NSUN3: variants seen among roughly 807,000 people sequenced by gnomAD.
The protein encoded by NSUN3 is NOP2/Sun RNA methyltransferase 3, also known as tRNA (cytosine(34)-C(5))-methyltransferase, mitochondrial.
A neutral mutation model predicts 36.8 loss-of-function variants in NSUN3; 24 were observed. The observed-to-expected ratio is 0.65, with a 90% confidence interval of 0.47 to 0.92. NSUN3 has a LOEUF of 0.92. Ranked by LOEUF, NSUN3 falls within the 40% of genes least tolerant of loss-of-function variation. NSUN3 has a pLI of 0.00. For missense variants in NSUN3, 381 were observed against 392.8 expected (o/e 0.97, Z 0.25); for synonymous variants, 146 against 145.2 (o/e 1.01, Z -0.04).
intron 3 of NSUN3, 144 bp from the exon 4 acceptor site, chr3:94,093,996 T>A (rs1030040071): frequency 1.3e-5 from 8 of 628,400 alleles, no homozygotes; most frequent in African/African-American, 1.1e-4. Context: ...TTTTAAAGCA[T>A]AAGAAAATAA....
chr3:94,113,866 T>G (rs1313972783), intron 5 of NSUN3, among the ~76,000 whole-genome samples: 1 of 152,204 alleles, frequency 6.6e-6, no homozygotes, highest in East Asian at 1.9e-4. Context: ...ACTTTTGAGT[T>G]TCTACATTGA....
At chr3:94,095,953 A>C (rs1359744909) in intron 5 of NSUN3, among the ~76,000 whole-genome samples, 1 of 138,874 alleles carries the variant, frequency 7.2e-6, no homozygotes. Flanking sequence ...TAGAGATAGG[A>C]TTTCACTGTG....
chr3:94,113,307 T>C (rs551585479), intron 5 of NSUN3, among the ~76,000 whole-genome samples: 8 of 152,354 alleles, frequency 5.3e-5, no homozygotes, highest in African/African-American at 1.9e-4. Context: ...ATTGCCTGGA[T>C]TTTAATCCTG....
At position 94,084,373 on chromosome 3, in the gene NSUN3, G is replaced by A. The variant is rs2077283772; in HGVS notation, c.389G>A (p.Arg130Lys). ...SLLPVLALEL[R>K]DGEKVLDLCA... ...CTCCCAGTGTTGGCTCTGGAATTAA[G>A]GGATGGGGAGAAGGTTCTGGATCTC... Residue 130 changes from arginine (R) to lysine (K), a missense_variant, in exon 3 of 6, where the codon AGG becomes AAG. By Grantham distance (26) the Arg-to-Lys change is conservative (BLOSUM62 2). Transcript: ENST00000314622. The A allele has an allele frequency of 1.2e-6, 2 of 1,614,162 alleles. No individual in the cohort carries two copies. The highest frequency in any genetic ancestry group is 1.7e-6 in the Non-Finnish European group (2 of 1,180,016).
intron 3 of NSUN3, among the ~76,000 whole-genome samples, chr3:94,086,194 T>C (rs907752183): frequency 1.3e-5 from 2 of 152,192 alleles, no homozygotes; most frequent in African/African-American, 4.8e-5. Flanking sequence ...TCTGCCCACC[T>C]GGGCCTCCCT....
intron 5 of NSUN3, among the ~76,000 whole-genome samples, chr3:94,114,263 G>A (rs1173877977): frequency 2.0e-5 from 3 of 152,250 alleles, no homozygotes; most frequent in Non-Finnish European, 4.4e-5. Context: ...TGAGGTAAAA[G>A]CTTGAGGTCC....
intron 5 of NSUN3, among the ~76,000 whole-genome samples, chr3:94,115,559 T>A (rs560550523): frequency 9.2e-5 from 14 of 152,352 alleles, no homozygotes; most frequent in Admixed American, 2.6e-4. Flanking sequence ...ACAGCGATTG[T>A]GACTTCAAAC....
At position 94,072,244 on chromosome 3, in the gene NSUN3, C is replaced by G. The variant is rs1249016304; in HGVS notation, c.122+7698C>G. Among the ~76,000 whole-genome samples the G allele has an allele frequency of 2.0e-5, 3 of 152,062 alleles. No homozygotes were observed. The East Asian group carries it at 5.8e-4, about 29-fold the overall frequency. ...CTTTTGTAGCTCTGTGCTGTAGTAC[C>G]AGGGTCTCACACGTTGGGAATCACT... On this transcript the variant is annotated intron_variant, in intron 2 of 5. Coordinates refer to ENST00000314622, the MANE Select transcript of NSUN3 (RefSeq NM_022072.5).
At position 94,064,386 on chromosome 3, in the gene NSUN3, A is replaced by G. The variant is rs372584069; in HGVS notation, c.13-51A>G. ...AAAGACCTTGCTAATGTTGACGTTCAGTAAATTTGTAATATCACTGTGTGT... is the reference window on the plus strand; with the variant it reads ...AAAGACCTTGCTAATGTTGACGTTCGGTAAATTTGTAATATCACTGTGTGT... On this transcript the variant is annotated intron_variant, in intron 1 of 5. Transcript: ENST00000314622. The G allele has an allele frequency of 1.1e-3, 1,155 of 1,074,628 alleles. 4 individuals are homozygous for G. The Middle Eastern group carries it at 0.012, about 12-fold the overall frequency. 66.6% of individuals were successfully genotyped at this position (1,074,628 alleles called of 1,614,324 possible).
At position 94,123,598 on chromosome 3, in the gene NSUN3, G is replaced by A. The variant is rs563118396; in HGVS notation, c.744-2613G>A. Among the ~76,000 whole-genome samples the A allele has an allele frequency of 2.6e-5, 4 of 152,152 alleles. No homozygotes were observed. In the East Asian group the frequency reaches 7.7e-4, roughly 29 times the overall value. On this transcript the variant is annotated intron_variant, in intron 5 of 5. Transcript: ENST00000314622. ...GTTTTTTATTCATTATAAGGGTGAA[G>A]TTTTGACAGTTTTCATCAAGACCCT...
chr3:94,113,080 G>A (rs1228674591), intron 5 of NSUN3, among the ~76,000 whole-genome samples: 2 of 152,058 alleles, frequency 1.3e-5, no homozygotes, highest in African/African-American at 4.8e-5. Context: ...TAGCCAGGAT[G>A]GTCTCAATCT....
chr3:94,065,519 G>A (rs1331434947), intron 2 of NSUN3, among the ~76,000 whole-genome samples: 1 of 152,112 alleles, frequency 6.6e-6, no homozygotes, highest in Non-Finnish European at 1.5e-5. Flanking sequence ...TTTTTCAGAT[G>A]GTTGGCTTGT....
chr3:94,081,991 C>T (rs755399155), intron 2 of NSUN3: 8 of 152,078 alleles, frequency 5.3e-5, no homozygotes, highest in African/African-American at 1.2e-4. Context: ...AAAAGAAGAA[C>T]GAATAGAGAT....
In NSUN3 at chr3:94,099,804, G is replaced by GAA. The variant is rs34896138; in HGVS notation, c.743+4661_743+4662dup. ...TCTCCTGCCCTTGACTTCAAAAAAT[G>GAA]AAAAAAAAAAAAGACTATAGCACTT... On this transcript the variant is annotated intron_variant, in intron 5 of 5. Transcript: ENST00000314622. 1.4e-3 allele frequency among the ~76,000 whole-genome samples: 197 copies of GAA among 141,836 alleles called. 1 individual carries two copies. The highest frequency in any genetic ancestry group is 3.1e-3 in the African/African-American group (116 of 37,692). The allele number at this position is 141,836 out of a possible 152,430, so 93.0% of individuals were successfully genotyped here.
intron 2 of NSUN3, among the ~76,000 whole-genome samples, chr3:94,069,674 A>G (rs1276982035): frequency 6.6e-6 from 1 of 152,254 alleles, no homozygotes; most frequent in Non-Finnish European, 1.5e-5. Context: ...GATACATTAT[A>G]CAGTTTTGCA....
chr3:94,074,603 T>C (rs1477060314), intron 2 of NSUN3, among the ~76,000 whole-genome samples: 1 of 152,142 alleles, frequency 6.6e-6, no homozygotes, highest in Non-Finnish European at 1.5e-5. Flanking sequence ...TGGCTGTCTG[T>C]TTGTCTGTTA....
In NSUN3 at chr3:94,064,492, A is replaced by T. The variant is rs1017498612; in HGVS notation, c.68A>T (p.Asp23Val). The T allele has an allele frequency of 3.1e-6, 5 of 1,613,976 alleles. No homozygotes were observed. The highest frequency in any genetic ancestry group is 3.4e-6 in the Non-Finnish European group (4 of 1,179,888). ...AAACAGATTTGCAAAGTTGTGTTGG[A>T]TCATTTTGAAAAACAGTATTCCAAA... Reference protein sequence around the residue: ...LAKQICKVVLDHFEKQYSKEL... With the variant: ...LAKQICKVVLVHFEKQYSKEL... Residue 23 changes from aspartate (D) to valine (V), a missense_variant, in exon 2 of 6, where the codon GAT (aspartate) becomes GTT (valine). Physicochemically the swap from Asp to Val is radical, Grantham distance 152 (BLOSUM62 -3). Coordinates refer to ENST00000314622, the MANE Select transcript of NSUN3 (RefSeq NM_022072.5).
intron 5 of NSUN3, among the ~76,000 whole-genome samples, chr3:94,095,911 T>C (rs1432799396): frequency 9.0e-6 from 1 of 110,822 alleles, no homozygotes; most frequent in Non-Finnish European, 1.8e-5. Flanking sequence ...CAAGCCTAGC[T>C]AATTTTTTTT....
intron 5 of NSUN3, among the ~76,000 whole-genome samples, chr3:94,118,048 A>G (rs113136615): frequency 2.6e-5 from 4 of 152,356 alleles, no homozygotes; most frequent in African/African-American, 9.6e-5. Context: ...AGGAAATTGT[A>G]GTTAACAATA....
Sources: allele counts gnomAD v4.1 joint callset (sites outside exome capture counted in the v4.1 genomes callset), GRCh38; gene constraint gnomAD v4.1.1; transcripts MANE v1.5; gene names NCBI Gene and HGNC (gene_info 2026-07-23, HGNC 2026-07-21).